Variants in ITGA9 observed in about 807,000 individuals in gnomAD.
ITGA9 encodes integrin subunit alpha 9.
ITGA9 carries 56 observed loss-of-function variants against 127.8 expected under a neutral mutation model. The ratio of observed to expected loss-of-function variants is 0.44; its 90% CI spans 0.35 to 0.55. The LOEUF is 0.55. Among genes scored for constraint, ITGA9 ranks in the 20% least tolerant of loss-of-function variants. The probability of loss-of-function intolerance (pLI) is 0.00; values close to 1 mark genes in which losing one functional copy is unlikely to be tolerated. For missense variants in ITGA9, 1,196 were observed against 1,347.1 expected (o/e 0.89, Z 1.76); for synonymous variants, 508 against 514.5 (o/e 0.99, Z 0.17).
intron 18 of ITGA9, among the ~76,000 whole-genome samples, chr3:37,699,816 C>T (rs916188034): frequency 1.3e-5 from 2 of 152,310 alleles, no homozygotes. Flanking sequence ...TGCCTCAGGG[C>T]GTTGACACTG....
chr3:37,576,248 T>C (rs1699653172), intron 15 of ITGA9, among the ~76,000 whole-genome samples: 1 of 152,194 alleles, frequency 6.6e-6, no homozygotes, highest in African/African-American at 2.4e-5. Flanking sequence ...CTAGGGGAAC[T>C]GAGAGGAGAA....
At chr3:37,614,000 T>G (rs1403905044) in intron 15 of ITGA9, among the ~76,000 whole-genome samples, 1 of 152,260 alleles carries the variant, frequency 6.6e-6, no homozygotes. Flanking sequence ...TGGCTGTTGT[T>G]GCCATTGCTT....
At chr3:37,600,652 C>T (rs1699914395) in intron 15 of ITGA9, among the ~76,000 whole-genome samples, 1 of 152,138 alleles carries the variant, frequency 6.6e-6, no homozygotes, top group Non-Finnish European at 1.5e-5. Context: ...TGCCTCCCTT[C>T]CCTTCATGAC....
chr3:37,531,391 C>G (rs924624076), intron 13 of ITGA9, among the ~76,000 whole-genome samples: 2 of 152,202 alleles, frequency 1.3e-5, no homozygotes, highest in Non-Finnish European at 2.9e-5. Context: ...GGGAACTGAT[C>G]CGACAGCTGT....
intron 3 of ITGA9, among the ~76,000 whole-genome samples, chr3:37,480,721 C>T (rs771648916): frequency 6.6e-6 from 1 of 152,196 alleles, no homozygotes; most frequent in Non-Finnish European, 1.5e-5. Context: ...AGCCATTCCT[C>T]CCTTCCCTGC....
intron 1 of ITGA9, among the ~76,000 whole-genome samples, chr3:37,453,472 G>GC (rs1698224197): frequency 6.6e-6 from 1 of 152,154 alleles, no homozygotes; most frequent in South Asian, 2.1e-4. Flanking sequence ...GGGGGTTGGT[G>GC]CCCTCCTTGG....
At chr3:37,812,098 A>G (rs1697375383) in intron 27 of ITGA9, among the ~76,000 whole-genome samples, 1 of 152,194 alleles carries the variant, frequency 6.6e-6, no homozygotes, top group African/African-American at 2.4e-5. Context: ...CCAAAGAAAA[A>G]AAATGAACAG....
At position 37,780,632 on chromosome 3, in the gene ITGA9, A is replaced by T. The variant is rs912122884; in HGVS notation, c.2787+611A>T. 5.3e-5 allele frequency among the ~76,000 whole-genome samples: 8 copies of T among 152,358 alleles called. No individual in the cohort carries two copies. In the East Asian group the frequency reaches 9.6e-4, roughly 18 times the overall value. On this transcript the variant is annotated intron_variant, in intron 25 of 27. Transcript: ENST00000264741. ...TTGCTGTTGTGAATAGTGCTGCAAT[A>T]AACTTACCAGTGCAGGTATATTTTT...
chr3:37,510,958 A>G (rs918442210), intron 8 of ITGA9, among the ~76,000 whole-genome samples: 11 of 152,232 alleles, frequency 7.2e-5, no homozygotes, highest in Non-Finnish European at 1.6e-4. Flanking sequence ...TCTTGCCAGA[A>G]GAAATGAGAC....
At chr3:37,665,662 C>G (rs772510755) in intron 17 of ITGA9, among the ~76,000 whole-genome samples, 3 of 152,066 alleles carry the variant, frequency 2.0e-5, no homozygotes, top group Non-Finnish European at 4.4e-5. Context: ...ACCATATTGG[C>G]CAGGCGGGTC....
At chr3:37,653,835 T>C (rs1202447092) in intron 17 of ITGA9, 45 bp downstream of exon 17, 1 of 1,446,766 alleles carries the variant, frequency 6.9e-7, no homozygotes, top group Non-Finnish European at 9.7e-7. Flanking sequence ...GGCTCCTTTT[T>C]CTTGACCCCA....
chr3:37,711,934 G>T (rs1428959497), intron 18 of ITGA9, among the ~76,000 whole-genome samples: 1 of 152,316 alleles, frequency 6.6e-6, no homozygotes, highest in African/African-American at 2.4e-5. Flanking sequence ...AGCCTGAGCA[G>T]CCCTGCAAAT....
intron 15 of ITGA9, among the ~76,000 whole-genome samples, chr3:37,600,678 A>G (rs1699914664): frequency 6.6e-6 from 1 of 151,926 alleles, no homozygotes; most frequent in Non-Finnish European, 1.5e-5. Flanking sequence ...GTGATCTACA[A>G]CTCCTCAGAG....
At chr3:37,554,895 T>C (rs1699415112) in intron 15 of ITGA9, among the ~76,000 whole-genome samples, 1 of 152,144 alleles carries the variant, frequency 6.6e-6, no homozygotes, top group Non-Finnish European at 1.5e-5. Flanking sequence ...TAAGTGTGTA[T>C]GCGTATGTAT....
intron 16 of ITGA9, among the ~76,000 whole-genome samples, chr3:37,651,049 A>G (rs1700424724): frequency 6.6e-6 from 1 of 152,144 alleles, no homozygotes; most frequent in Non-Finnish European, 1.5e-5. Context: ...TTATCTTTCC[A>G]TGATTGTGCT....
intron 15 of ITGA9, 66 bp downstream of exon 15, chr3:37,542,651 G>T (rs1699286199): frequency 6.5e-7 from 1 of 1,540,784 alleles, no homozygotes; most frequent in Non-Finnish European, 8.9e-7. Flanking sequence ...GGAGCTGGTG[G>T]AAACTATTTT....
At chr3:37,673,448 G>A (rs528176170) in intron 17 of ITGA9, among the ~76,000 whole-genome samples, 1 of 152,304 alleles carries the variant, frequency 6.6e-6, no homozygotes, top group South Asian at 2.1e-4. Flanking sequence ...GAGGAGAAAA[G>A]TCAGGGTGTT....
chr3:37,507,971 C>T (rs1281206860), intron 7 of ITGA9, among the ~76,000 whole-genome samples: 2 of 152,206 alleles, frequency 1.3e-5, no homozygotes, highest in Non-Finnish European at 2.9e-5. Context: ...TTCACATGAA[C>T]ATGCTAAAGG....
chr3:37,620,413 G>A (rs955073614), intron 15 of ITGA9, among the ~76,000 whole-genome samples: 4 of 152,132 alleles, frequency 2.6e-5, no homozygotes, highest in South Asian at 2.1e-4. Context: ...CTCAGGTGGC[G>A]GTGGTGATGG....
Sources: gnomAD v4.1 joint callset for allele counts (sites outside exome capture counted in the v4.1 genomes callset) on GRCh38, gnomAD v4.1.1 for gene constraint, MANE v1.5 for transcripts, NCBI Gene and HGNC (gene_info 2026-07-23, HGNC 2026-07-21) for gene names.